The following PTPRM variants were observed in gnomAD, a reference collection of about 807,000 sequenced individuals.
The protein encoded by PTPRM is protein tyrosine phosphatase receptor type M.
PTPRM carries 47 observed loss-of-function variants against 186.7 expected under a neutral mutation model. The ratio of observed to expected loss-of-function variants is 0.25; its 90% confidence interval spans 0.20 to 0.32. The LOEUF (loss-of-function observed/expected upper bound fraction) is 0.32. PTPRM is among the 10% of genes least tolerant of loss of function. The pLI, the probability that PTPRM is intolerant of heterozygous loss-of-function variation, is 1.00. For missense variants in PTPRM, 1,494 were observed against 1,865.0 expected (o/e 0.80, Z 3.66); for synonymous variants, 668 against 674.9 (o/e 0.99, Z 0.16).
intron 14 of PTPRM, 88 bp from the exon 15 acceptor site, chr18:8,243,970 G>T: frequency 7.7e-7 from 1 of 1,301,470 alleles, no homozygotes; most frequent in Non-Finnish European, 1.1e-6. Flanking sequence ...TTCAGTAGAT[G>T]TTATTCCTGA....
intron 11 of PTPRM, among the ~76,000 whole-genome samples, chr18:8,090,999 G>A (rs1031005318): frequency 6.6e-6 from 1 of 152,090 alleles, no homozygotes; most frequent in East Asian, 1.9e-4. Flanking sequence ...CCAAACTACT[G>A]TTCCTATTTC....
intron 3 of PTPRM, among the ~76,000 whole-genome samples, chr18:7,904,333 T>G (rs6506539): frequency 6.6e-6 from 1 of 151,878 alleles, no homozygotes; most frequent in Non-Finnish European, 1.5e-5. Flanking sequence ...TTGTGTATCT[T>G]CCACCACAGT....
At chr18:8,300,598 G>A (rs1396690630) in intron 20 of PTPRM, among the ~76,000 whole-genome samples, 4 of 151,966 alleles carry the variant, frequency 2.6e-5, no homozygotes, top group South Asian at 4.2e-4. Flanking sequence ...TAGTGAGCAC[G>A]TCTATGTGCA....
chr18:7,634,306 T>C (rs2038262427), intron 1 of PTPRM, among the ~76,000 whole-genome samples: 1 of 152,152 alleles, frequency 6.6e-6, no homozygotes, highest in South Asian at 2.1e-4. Context: ...TCTCTTCAAT[T>C]TGAGAAATGC....
At chr18:7,825,097 GT>G (rs1428382988) in intron 2 of PTPRM, among the ~76,000 whole-genome samples, 1 of 152,152 alleles carries the variant, frequency 6.6e-6, no homozygotes, top group African/African-American at 2.4e-5. Context: ...CAGCATTTCT[GT>G]CCAGCAATTA....
intron 1 of PTPRM, among the ~76,000 whole-genome samples, chr18:7,709,352 G>A (rs938286451): frequency 2.0e-5 from 3 of 152,066 alleles, no homozygotes; most frequent in African/African-American, 7.2e-5. Context: ...AAAATTATTT[G>A]AATTCAACAA....
chr18:8,401,860 G>C (rs2095873913), intron 32 of PTPRM, among the ~76,000 whole-genome samples: 2 of 152,232 alleles, frequency 1.3e-5, no homozygotes, highest in African/African-American at 4.8e-5. Context: ...AGTCTGATCG[G>C]GAGCGGGGCC....
chr18:7,796,310 T>A (rs545061669), intron 2 of PTPRM, among the ~76,000 whole-genome samples: 2 of 152,258 alleles, frequency 1.3e-5, no homozygotes, highest in South Asian at 4.1e-4. Context: ...CAGATCACAG[T>A]ACAGATCCCC....
At chr18:8,186,972 G>A (rs1038440455) in intron 14 of PTPRM, among the ~76,000 whole-genome samples, 2 of 149,198 alleles carry the variant, frequency 1.3e-5, no homozygotes, top group African/African-American at 2.5e-5. Flanking sequence ...ACAGAGTCTC[G>A]CTCTGTTGTG....
intron 7 of PTPRM, among the ~76,000 whole-genome samples, chr18:8,006,221 C>G (rs567588543): frequency 6.6e-6 from 1 of 152,324 alleles, no homozygotes; most frequent in Admixed American, 6.5e-5. Flanking sequence ...TAGCTCATAT[C>G]TTCTGTCCCA....
intron 14 of PTPRM, among the ~76,000 whole-genome samples, chr18:8,235,083 T>C (rs1412888979): frequency 6.6e-6 from 1 of 152,174 alleles, no homozygotes; most frequent in African/African-American, 2.4e-5. Context: ...ATTAGGGAAA[T>C]GCTGGCCTTT....
chr18:8,299,678 T>C (rs1030280169), intron 20 of PTPRM, among the ~76,000 whole-genome samples: 2 of 152,216 alleles, frequency 1.3e-5, no homozygotes, highest in African/African-American at 4.8e-5. Context: ...CAAACTTTTT[T>C]CTGTAAAGGG....
intron 14 of PTPRM, among the ~76,000 whole-genome samples, chr18:8,203,959 G>GT (rs1450237812): frequency 5.9e-5 from 9 of 152,100 alleles, no homozygotes; most frequent in African/African-American, 2.2e-4. Context: ...AAAATACATC[G>GT]TAACAGTACA....
At chr18:8,127,632 G>A (rs950536153) in intron 13 of PTPRM, among the ~76,000 whole-genome samples, 16 of 152,014 alleles carry the variant, frequency 1.1e-4, no homozygotes, top group Non-Finnish European at 1.5e-5. Flanking sequence ...TCCTTCAGAC[G>A]GTGCATACAG....
chr18:7,940,143 G>C (rs558354989), intron 5 of PTPRM, among the ~76,000 whole-genome samples: 1 of 152,250 alleles, frequency 6.6e-6, no homozygotes, highest in South Asian at 2.1e-4. Context: ...CTAGGGAATG[G>C]AATCTGGGGA....
At chr18:8,066,093 T>A (rs1162943872) in intron 7 of PTPRM, among the ~76,000 whole-genome samples, 1 of 152,172 alleles carries the variant, frequency 6.6e-6, no homozygotes, top group East Asian at 1.9e-4. Flanking sequence ...GAGATGTAAT[T>A]ATTATAAATC....
At chr18:7,964,071 AT>A (rs1258233696) in intron 7 of PTPRM, among the ~76,000 whole-genome samples, 14 of 147,782 alleles carry the variant, frequency 9.5e-5, no homozygotes, top group Non-Finnish European at 1.8e-4. Context: ...GACATGATTA[AT>A]TTTTTATTAG....
intron 13 of PTPRM, among the ~76,000 whole-genome samples, chr18:8,132,434 A>G (rs2092533467): frequency 6.6e-6 from 1 of 152,224 alleles, no homozygotes; most frequent in Non-Finnish European, 1.5e-5. Flanking sequence ...TCTATGAGTA[A>G]CAAAGTCCGA....
At chr18:8,256,400 G>C (rs1050656466) in intron 19 of PTPRM, among the ~76,000 whole-genome samples, 1 of 152,182 alleles carries the variant, frequency 6.6e-6, no homozygotes, top group East Asian at 1.9e-4. Flanking sequence ...AACCTCAAAA[G>C]GTTGTTGTGA....
Sources: gnomAD v4.1 joint callset for allele counts (sites outside exome capture counted in the v4.1 genomes callset) on GRCh38, gnomAD v4.1.1 for gene constraint, MANE v1.5 for transcripts, NCBI Gene and HGNC (gene_info 2026-07-23, HGNC 2026-07-21) for gene names.